ANKRD27: variants seen among roughly 807,000 people sequenced by gnomAD.
ANKRD27 encodes the protein ankyrin repeat domain 27.
In ANKRD27, 112 loss-of-function variants were observed where a neutral mutation model predicts 129.7. That is an observed-to-expected ratio of 0.86 (90% CI 0.74 to 1.01). The LOEUF (loss-of-function observed/expected upper bound fraction) is 1.01. Among genes scored for constraint, ANKRD27 ranks in the 50% least tolerant of loss-of-function variants. The probability of loss-of-function intolerance (pLI) is 0.00; values close to 1 mark genes in which losing one functional copy is unlikely to be tolerated. For missense variants in ANKRD27, 1,258 were observed against 1,300.5 expected (o/e 0.97, Z 0.50); for synonymous variants, 516 against 511.2 (o/e 1.01, Z -0.13).
At chr19:32,666,566 G>T (rs902338819) in intron 1 of ANKRD27, 1 of 151,728 alleles carries the variant, frequency 6.6e-6, no homozygotes, top group East Asian at 1.9e-4. Context: ...ATCACCCCTG[G>T]TCTGCTCCTC....
At chr19:32,629,844 C>CTT (rs548494616) in intron 13 of ANKRD27, among the ~76,000 whole-genome samples, 14 of 105,604 alleles carry the variant, frequency 1.3e-4, no homozygotes, top group South Asian at 3.2e-4. Context: ...CTCTTGTGTT[C>CTT]TTTTTTTTTT....
chr19:32,622,621 T>G lies in ANKRD27; in HGVS notation c.1630-2A>C. 1 of 1,613,166 alleles carries G rather than the reference T, an allele frequency of 6.2e-7. No homozygotes were observed. The highest frequency in any genetic ancestry group is 1.1e-5 in the South Asian group (1 of 91,042). On this transcript the variant is annotated splice_acceptor_variant, in intron 17 of 28. Coordinates refer to ENST00000306065, the MANE Select transcript of ANKRD27 (RefSeq NM_032139.3). LOFTEE classifies it high-confidence loss of function. ...GTAGTAAACCAGAGCCTTCACACAC[T>G]GCAAAGAGATGGGGAAATGGCATCG...
At chr19:32,606,711 C>T (rs1409381078) in intron 23 of ANKRD27, among the ~76,000 whole-genome samples, 3 of 151,698 alleles carry the variant, frequency 2.0e-5, no homozygotes, top group Non-Finnish European at 2.9e-5. Context: ...TAGGTGTTGG[C>T]GAGAGAGATG....
chr19:32,627,837 G>A (rs1313529291), intron 15 of ANKRD27, among the ~76,000 whole-genome samples: 2 of 152,258 alleles, frequency 1.3e-5, no homozygotes, highest in African/African-American at 4.8e-5. Flanking sequence ...GGGAGCGTTA[G>A]GCAGTGTTTC....
intron 17 of ANKRD27, among the ~76,000 whole-genome samples, chr19:32,625,073 T>C (rs1972068817): frequency 6.6e-6 from 1 of 151,954 alleles, no homozygotes; most frequent in Non-Finnish European, 1.5e-5. Context: ...CTGGCCAACA[T>C]GGTGAAACCC....
At chr19:32,603,569 GTC>G (rs1345568299) in intron 25 of ANKRD27, among the ~76,000 whole-genome samples, 1 of 152,088 alleles carries the variant, frequency 6.6e-6, no homozygotes, top group African/African-American at 2.4e-5. Context: ...TTGAGATAAA[GTC>G]TCTGTCACCC....
chr19:32,615,182 C>A (rs1031803304), intron 22 of ANKRD27, among the ~76,000 whole-genome samples: 1 of 152,226 alleles, frequency 6.6e-6, no homozygotes, highest in Non-Finnish European at 1.5e-5. Flanking sequence ...GGAGCTGGCA[C>A]CCGCCCTAGG....
intron 1 of ANKRD27, chr19:32,673,575 C>T (rs541881969): frequency 8.9e-6 from 4 of 447,256 alleles, no homozygotes; most frequent in Admixed American, 1.3e-4. Context: ...AAGCTTCCCC[C>T]GAAGGGAAAG....
chr19:32,649,864 A>G, intron 2 of ANKRD27, 72 bp from the exon 3 acceptor site: 2 of 1,005,096 alleles, frequency 2.0e-6, no homozygotes, highest in Non-Finnish European at 3.2e-6. Flanking sequence ...AGGTGTCCCC[A>G]AAGGCGCTCC....
chr19:32,628,494 A>C (rs112387355), intron 14 of ANKRD27, among the ~76,000 whole-genome samples: 1 of 152,330 alleles, frequency 6.6e-6, no homozygotes, highest in African/African-American at 2.4e-5. Flanking sequence ...AGGCCCTATA[A>C]CCAGCCTACC....
At chr19:32,626,689 G>C in intron 16 of ANKRD27, 23 bp downstream of exon 16, 1 of 1,562,322 alleles carries the variant, frequency 6.4e-7, no homozygotes, top group Non-Finnish European at 8.7e-7. Flanking sequence ...GCGACAGCCC[G>C]CCACAAAGGC....
intron 20 of ANKRD27, 74 bp downstream of exon 20, chr19:32,619,186 G>A (rs929597432): frequency 5.0e-5 from 77 of 1,538,834 alleles, no homozygotes; most frequent in East Asian, 2.5e-4. Context: ...GTCAGGCCAC[G>A]GCTCTTCAGC....
At chr19:32,659,118 T>C in intron 1 of ANKRD27, 73 bp from the exon 2 acceptor site, 4 of 712,620 alleles carry the variant, frequency 5.6e-6, no homozygotes, top group South Asian at 1.6e-5. Context: ...CTGCATCTGA[T>C]GCATCTGGCA....
chr19:32,652,063 G>T (rs1050040718), intron 2 of ANKRD27, among the ~76,000 whole-genome samples: 3 of 152,236 alleles, frequency 2.0e-5, no homozygotes, highest in Admixed American at 6.5e-5. Context: ...AGTTGCCTGG[G>T]ATAGGGGGTA....
intron 22 of ANKRD27, among the ~76,000 whole-genome samples, chr19:32,610,298 G>C (rs1305750548): frequency 6.6e-6 from 1 of 151,466 alleles, no homozygotes; most frequent in African/African-American, 2.4e-5. Context: ...GACAGAGCAA[G>C]ACCCTGTCTC....
intron 27 of ANKRD27, 35 bp downstream of exon 27, chr19:32,599,936 CA>C (rs368345607): frequency 5.1e-6 from 8 of 1,582,220 alleles, no homozygotes; most frequent in Non-Finnish European, 6.9e-6. Flanking sequence ...AAACTAGGGG[CA>C]AAAGCACAGA....
At chr19:32,628,317 C>A in intron 14 of ANKRD27, 152 bp from the exon 15 acceptor site, 1 of 665,124 alleles carries the variant, frequency 1.5e-6, no homozygotes, top group Non-Finnish European at 2.6e-6. Context: ...CCAGTGCTCA[C>A]CCAGCATGAG....
chr19:32,599,930 T>G (rs780012231), intron 27 of ANKRD27, 42 bp downstream of exon 27: 5 of 1,571,230 alleles, frequency 3.2e-6, no homozygotes, highest in Non-Finnish European at 4.4e-6. Flanking sequence ...TGGAGTAAAC[T>G]AGGGGCAAAA....
At chr19:32,607,430 G>A (rs1599734806) in intron 23 of ANKRD27, among the ~76,000 whole-genome samples, 1 of 152,268 alleles carries the variant, frequency 6.6e-6, no homozygotes, top group South Asian at 2.1e-4. Context: ...TGGCAGTGGG[G>A]CAGGGACTGG....
Sources: allele counts gnomAD v4.1 joint callset (sites outside exome capture counted in the v4.1 genomes callset), GRCh38; gene constraint gnomAD v4.1.1; transcripts MANE v1.5; gene names NCBI Gene and HGNC (gene_info 2026-07-23, HGNC 2026-07-21).